Variants in OBP2B observed in about 807,000 individuals in gnomAD.
The protein encoded by OBP2B is odorant-binding protein 2b.
Under a neutral mutation model 21.7 loss-of-function variants are expected in OBP2B, and 10 were observed. The observed-to-expected ratio is 0.46, with a 90% confidence interval of 0.28 to 0.78. The LOEUF is 0.78. Ranked by LOEUF, OBP2B falls within the 30% of genes least tolerant of loss-of-function variation. OBP2B has a pLI of 0.11. For synonymous variants in OBP2B, 73 were observed against 91.5 expected (o/e 0.80, Z 1.16); for missense variants, 153 against 217.7 (o/e 0.70, Z 1.87).
intron 4 of OBP2B, 166 bp from the exon 5 acceptor site, chr9:133,206,582 G>A: frequency 1.2e-6 from 1 of 807,426 alleles, no homozygotes; most frequent in Non-Finnish European, 2.0e-6. Flanking sequence ...GATGGCCACT[G>A]CCCAGCACCA....
chr9:133,220,344 C>T, the OBP2B span, among the ~76,000 whole-genome samples: 8,793 of 152,332 alleles, frequency 0.058, 367 homozygotes, highest in African/African-American at 0.11. Context: ...AGATGCAGCC[C>T]CTCCTCTCTC....
the OBP2B span, among the ~76,000 whole-genome samples, chr9:133,215,784 T>C: frequency 3.9e-5 from 6 of 152,240 alleles, no homozygotes; most frequent in African/African-American, 1.4e-4. Context: ...CCTGCACGCA[T>C]ATACCCAGTT....
the OBP2B span, among the ~76,000 whole-genome samples, chr9:133,219,056 G>A: frequency 6.6e-6 from 1 of 152,222 alleles, no homozygotes; most frequent in Non-Finnish European, 1.5e-5. Flanking sequence ...TCAACAAATG[G>A]CTCTGGGACA....
chr9:133,216,508 G>A, the OBP2B span, among the ~76,000 whole-genome samples: 1 of 151,030 alleles, frequency 6.6e-6, no homozygotes, highest in South Asian at 2.1e-4. Flanking sequence ...CCTGCAACAA[G>A]CATAGAACCC....
upstream of OBP2B, among the ~76,000 whole-genome samples, chr9:133,210,661 GA>G (rs2119406956): frequency 6.6e-6 from 1 of 152,340 alleles, no homozygotes; most frequent in African/African-American, 2.4e-5. Context: ...AATCCTTGAA[GA>G]AAATGCTGGA....
At chr9:133,212,734 C>T (rs1238223786), upstream of OBP2B, among the ~76,000 whole-genome samples, 5 of 152,208 alleles carry the variant, frequency 3.3e-5, no homozygotes, top group South Asian at 6.2e-4. Flanking sequence ...AATTCGAGAC[C>T]AGCCTGGCCA....
chr9:133,207,917 G>A (rs1223044147), intron 3 of OBP2B: 13 of 1,533,758 alleles, frequency 8.5e-6, no homozygotes, highest in Non-Finnish European at 1.1e-5. Flanking sequence ...GGGCAGGCGT[G>A]ATCTGGTCCA....
chr9:133,208,007 T>C, intron 3 of OBP2B, 126 bp downstream of exon 3: 9 of 1,511,028 alleles, frequency 6.0e-6, no homozygotes, highest in Non-Finnish European at 8.0e-6. Context: ...GGCCAGCCCC[T>C]CCTTGGAGGT....
At chr9:133,209,870 G>A (rs1422808559), upstream of OBP2B, among the ~76,000 whole-genome samples, 4 of 152,126 alleles carry the variant, frequency 2.6e-5, no homozygotes, top group Admixed American at 6.5e-5. This position sits in a 1 kb window ranked among gnomAD's most constrained non-coding sequence, Gnocchi z 6.0. Flanking sequence ...GGACCCCGCC[G>A]CCTCCCCGAC....
the OBP2B span, among the ~76,000 whole-genome samples, chr9:133,219,831 T>A: frequency 1.3e-5 from 2 of 152,076 alleles, no homozygotes; most frequent in Non-Finnish European, 2.9e-5. Flanking sequence ...TGCACAAATG[T>A]CCCTAGCAAC....
Position 133,205,403 on chromosome 9 carries a change from C to T in OBP2B, c.*10G>A, listed in dbSNP as rs1465944044. 1.6e-5 allele frequency: 23 copies of T among 1,426,584 alleles called. No individual in the cohort carries two copies. Among genetic ancestry groups the T allele is most frequent in the African/African-American group, 5.7e-5 (4 of 70,356 alleles). 88.4% of individuals were successfully genotyped at this position (1,426,584 alleles called of 1,614,324 possible). ...AGGGTGGGCTCTGGAGGTGCAGACC[C>T]GGGGGCTGCTGTGCTGGGAAGAGGA... On this transcript the variant is annotated 3_prime_UTR_variant, in exon 7 of 7. Coordinates refer to ENST00000372034, the MANE Select transcript of OBP2B (RefSeq NM_014581.4).
chr9:133,222,494 T>G, the OBP2B span, among the ~76,000 whole-genome samples: 3 of 151,986 alleles, frequency 2.0e-5, no homozygotes, highest in Non-Finnish European at 4.4e-5. Context: ...TTGGGAGGCA[T>G]AGGTGGGTGG....
chr9:133,216,587 G>A, the OBP2B span, among the ~76,000 whole-genome samples: 1 of 152,152 alleles, frequency 6.6e-6, no homozygotes, highest in African/African-American at 2.4e-5. Flanking sequence ...ACCTGTACAT[G>A]TGTCATAGCC....
chr9:133,220,160 A>T, the OBP2B span, among the ~76,000 whole-genome samples: 1 of 152,220 alleles, frequency 6.6e-6, no homozygotes, highest in Non-Finnish European at 1.5e-5. Context: ...TTGTAAGATG[A>T]TGAAGATCTC....
At chr9:133,206,292 G>A (rs1469732327) in intron 5 of OBP2B, 23 bp downstream of exon 5, 1 of 1,605,906 alleles carries the variant, frequency 6.2e-7, no homozygotes, top group South Asian at 1.1e-5. Flanking sequence ...GGGACACAGG[G>A]GACTGGGCAC....
chr9:133,219,030 A>G, the OBP2B span, among the ~76,000 whole-genome samples: 1 of 152,386 alleles, frequency 6.6e-6, no homozygotes, highest in East Asian at 1.9e-4. Flanking sequence ...TTGAGATGCC[A>G]AGATAAGAAC....
upstream of OBP2B, among the ~76,000 whole-genome samples, chr9:133,209,584 TC>T (rs1383160157): frequency 1.3e-5 from 2 of 152,050 alleles, no homozygotes; most frequent in African/African-American, 4.8e-5. This position sits in a 1 kb window ranked among gnomAD's most constrained non-coding sequence, Gnocchi z 6.0. Flanking sequence ...CCCTGCACCC[TC>T]CCAGGGCCAC....
upstream of OBP2B, among the ~76,000 whole-genome samples, chr9:133,212,715 G>A (rs1417878451): frequency 2.0e-5 from 3 of 152,350 alleles, no homozygotes; most frequent in East Asian, 3.9e-4. Flanking sequence ...TGGATCACTT[G>A]CGATCAGGAA....
At chr9:133,207,359 G>A (rs1184429955) in intron 3 of OBP2B, 23 bp from the exon 4 acceptor site, 3 of 1,485,628 alleles carry the variant, frequency 2.0e-6, no homozygotes, top group East Asian at 2.3e-5. Context: ...GAGAAAATGG[G>A]TCATTCCCAG....
Sources: gnomAD v4.1 joint callset for allele counts (sites outside exome capture counted in the v4.1 genomes callset) on GRCh38, gnomAD v4.1.1 for gene constraint, Gnocchi (gnomAD v3.1) non-coding constraint, MANE v1.5 for transcripts, NCBI Gene and HGNC (gene_info 2026-07-23, HGNC 2026-07-21) for gene names.